Variants in GRID2 observed in about 807,000 individuals in gnomAD.
The protein encoded by GRID2 is glutamate receptor ionotropic, delta-2.
In GRID2, 33 loss-of-function variants were observed where a neutral mutation model predicts 114.8. The ratio of observed to expected loss-of-function variants is 0.29; its 90% CI spans 0.22 to 0.38. The LOEUF (loss-of-function observed/expected upper bound fraction) is 0.38. Among genes scored for constraint, GRID2 ranks in the 10% least tolerant of loss-of-function variants. The pLI, the probability that GRID2 is intolerant of heterozygous loss-of-function variation, is 1.00. For synonymous variants in GRID2, 505 were observed against 449.9 expected (o/e 1.12, Z -1.55); for missense variants, 1,184 against 1,257.7 (o/e 0.94, Z 0.89).
intron 9 of GRID2, among the ~76,000 whole-genome samples, chr4:93,413,580 C>A (rs1032109122): frequency 1.3e-5 from 2 of 152,064 alleles, no homozygotes; most frequent in Non-Finnish European, 2.9e-5. Flanking sequence ...TTATCCTTGC[C>A]AGTCAGATAA....
chr4:93,322,793 G>A lies in GRID2; in HGVS notation c.1246-72814G>A, dbSNP rs536155076. 9.4e-4 allele frequency among the ~76,000 whole-genome samples: 143 copies of A among 152,114 alleles called. 2 individuals carry two copies. Among genetic ancestry groups the A allele is most frequent in the East Asian group, 5.8e-4 (3 of 5,170 alleles). ...GTTTTGATTTGCATTTCTCTGATGGGCAGTGATGATGAGCATTTTTTCATG... is the reference window on the plus strand; with the variant it reads ...GTTTTGATTTGCATTTCTCTGATGGACAGTGATGATGAGCATTTTTTCATG... On this transcript the variant is annotated intron_variant, in intron 8 of 15. Coordinates refer to ENST00000282020, the MANE Select transcript of GRID2 (RefSeq NM_001510.4).
chr4:93,063,346 T>A (rs949863783), intron 2 of GRID2, among the ~76,000 whole-genome samples: 3 of 151,914 alleles, frequency 2.0e-5, no homozygotes, highest in Admixed American at 6.6e-5. Flanking sequence ...TAATGGGTTT[T>A]GCATAGGGAA....
chr4:92,868,016 TTTTCTTTCTTTCTTTCTTTC>T (rs57222462), intron 2 of GRID2, among the ~76,000 whole-genome samples: 29 of 132,890 alleles, frequency 2.2e-4, no homozygotes, highest in South Asian at 5.2e-4. Flanking sequence ...TACTGAAAGG[TTTTCTTTCTTTCTTTCTTTC>T]TTTCTTTCTT....
At chr4:93,743,127 G>A (rs1731556897) in intron 14 of GRID2, among the ~76,000 whole-genome samples, 2 of 152,200 alleles carry the variant, frequency 1.3e-5, no homozygotes. Context: ...GGTCTGGATA[G>A]AAGATCATAC....
At chr4:93,572,576 A>G (rs985026505) in intron 13 of GRID2, among the ~76,000 whole-genome samples, 6 of 152,114 alleles carry the variant, frequency 3.9e-5, no homozygotes, top group Admixed American at 6.6e-5. Flanking sequence ...CAGTCTTATG[A>G]TTGACATATA....
intron 2 of GRID2, among the ~76,000 whole-genome samples, chr4:92,618,606 G>A: frequency 6.6e-6 from 1 of 151,500 alleles, no homozygotes; most frequent in Non-Finnish European, 1.5e-5. Context: ...GGTCATTTTA[G>A]CAATATTAAC....
At chr4:92,682,231 T>G (rs1733684041) in intron 2 of GRID2, among the ~76,000 whole-genome samples, 1 of 152,156 alleles carries the variant, frequency 6.6e-6, no homozygotes, top group Non-Finnish European at 1.5e-5. Context: ...CAAAATCTTG[T>G]TTAGCCAGGT....
At chr4:92,988,945 C>T (rs1754675234) in intron 2 of GRID2, among the ~76,000 whole-genome samples, 1 of 151,862 alleles carries the variant, frequency 6.6e-6, no homozygotes, top group Non-Finnish European at 1.5e-5. Context: ...TTTAGGTCAA[C>T]TTCAATTTCT....
chr4:92,982,246 A>G (rs926328683), intron 2 of GRID2, among the ~76,000 whole-genome samples: 1 of 151,970 alleles, frequency 6.6e-6, no homozygotes, highest in Non-Finnish European at 1.5e-5. Flanking sequence ...CTACAGTAAC[A>G]TTAGCTCTTG....
intron 2 of GRID2, among the ~76,000 whole-genome samples, chr4:93,059,864 G>T (rs1452477322): frequency 1.3e-5 from 2 of 150,814 alleles, no homozygotes; most frequent in Non-Finnish European, 3.0e-5. Context: ...CCTTATTACT[G>T]GATAAAACAA....
At chr4:92,659,486 A>AAAATT (rs1451791935) in intron 2 of GRID2, among the ~76,000 whole-genome samples, 2 of 151,536 alleles carry the variant, frequency 1.3e-5, no homozygotes, top group Admixed American at 1.3e-4. Flanking sequence ...AGAGCACTCA[A>AAAATT]AGATAATTTT....
chr4:93,219,293 A>G (rs963115175), intron 6 of GRID2, among the ~76,000 whole-genome samples: 1 of 152,332 alleles, frequency 6.6e-6, no homozygotes, highest in East Asian at 1.9e-4. Flanking sequence ...ATTTTACAGC[A>G]TATTTGCCTA....
In GRID2 at chr4:93,636,909, T is replaced by C. The variant is rs553352524; in HGVS notation, c.2360+10474T>C. Among the ~76,000 whole-genome samples, 53 of 152,270 alleles carry C rather than the reference T, an allele frequency of 3.5e-4. No homozygotes were observed. The East Asian group carries it at 9.5e-3, about 27-fold the overall frequency. On this transcript the variant is annotated intron_variant, in intron 14 of 15. Coordinates refer to ENST00000282020, the MANE Select transcript of GRID2 (RefSeq NM_001510.4). The stretch of plus-strand genomic sequence containing the variant: ...CCACTAGTCCAGGCTCCCAGTCCAG[T>C]GTCCCATCCCCTGCCCTGTTCTGCC...
At chr4:93,274,457 C>T (rs1041213703) in intron 8 of GRID2, among the ~76,000 whole-genome samples, 3 of 152,002 alleles carry the variant, frequency 2.0e-5, no homozygotes, top group Non-Finnish European at 4.4e-5. Context: ...GAATTACTAG[C>T]AGATTTAAGA....
chr4:92,789,941 T>C (rs538366030), intron 2 of GRID2, among the ~76,000 whole-genome samples: 1 of 151,992 alleles, frequency 6.6e-6, no homozygotes, highest in South Asian at 2.1e-4. Flanking sequence ...CAGGGAAAGC[T>C]GCCAGTCTGA....
intron 13 of GRID2, among the ~76,000 whole-genome samples, chr4:93,607,823 C>A (rs1197322970): frequency 6.6e-6 from 1 of 151,994 alleles, no homozygotes; most frequent in African/African-American, 2.4e-5. Flanking sequence ...TACTATTTTG[C>A]ATTGCCTCTT....
At chr4:92,510,770 T>C (rs946013141) in intron 1 of GRID2, among the ~76,000 whole-genome samples, 3 of 151,394 alleles carry the variant, frequency 2.0e-5, no homozygotes, top group African/African-American at 7.3e-5. Flanking sequence ...GATACCCGGA[T>C]TACCCTGAAT....
At chr4:93,271,318 G>T (rs1322232353) in intron 8 of GRID2, among the ~76,000 whole-genome samples, 3 of 152,118 alleles carry the variant, frequency 2.0e-5, no homozygotes, top group African/African-American at 4.8e-5. Context: ...GCTGGGAGGT[G>T]GGGGAATGTC....
At chr4:93,687,245 T>A (rs986835624) in intron 14 of GRID2, among the ~76,000 whole-genome samples, 4 of 151,984 alleles carry the variant, frequency 2.6e-5, no homozygotes, top group Admixed American at 6.6e-5. Context: ...TCAGTAGATA[T>A]GGAAAATTGC....
Sources: allele counts gnomAD v4.1 joint callset (sites outside exome capture counted in the v4.1 genomes callset), GRCh38; gene constraint gnomAD v4.1.1; transcripts MANE v1.5; gene names NCBI Gene and HGNC (gene_info 2026-07-23, HGNC 2026-07-21).